MORN5: variants seen among roughly 807,000 people sequenced by gnomAD.
MORN5 encodes MORN repeat containing 5, also known as MORN repeat-containing protein 5.
Under a neutral mutation model 22.1 loss-of-function variants are expected in MORN5, and 21 were observed. The ratio of observed to expected loss-of-function variants is 0.95; its 90% CI spans 0.67 to 1.37. The LOEUF (loss-of-function observed/expected upper bound fraction) is 1.37, where lower values mean the gene tolerates loss of function less well. Among genes scored for constraint, MORN5 ranks in the 40% most tolerant of loss-of-function variants. The pLI is 0.00. For synonymous variants in MORN5, 73 were observed against 74.0 expected (o/e 0.99, Z 0.07); for missense variants, 211 against 215.1 (o/e 0.98, Z 0.12).
At chr9:122,179,772 C>A (rs750781385) in intron 4 of MORN5, among the ~76,000 whole-genome samples, 18 of 152,176 alleles carry the variant, frequency 1.2e-4, no homozygotes, top group Admixed American at 5.2e-4. Context: ...ACTCACCTCA[C>A]CCTGTGAGGG....
intron 4 of MORN5, among the ~76,000 whole-genome samples, chr9:122,180,875 C>T (rs10114626): frequency 0.47 from 71,530 of 152,018 alleles, 17,476 homozygotes; most frequent in African/African-American, 0.53. Context: ...CACGTGACTA[C>T]GTCTGATTCA....
At chr9:122,175,885 A>C (rs1970018) in intron 4 of MORN5, among the ~76,000 whole-genome samples, 76,459 of 151,416 alleles carry the variant, frequency 0.5, 20,014 homozygotes, top group Middle Eastern at 0.55. Flanking sequence ...GAGGCCGAGG[A>C]GGGCGGATCA....
chr9:122,162,161 C>T (rs541781266), intron 1 of MORN5, among the ~76,000 whole-genome samples: 45 of 152,176 alleles, frequency 3.0e-4, no homozygotes, highest in Non-Finnish European at 5.0e-4. Context: ...CCTCAGTTTC[C>T]TCATCTGTAA....
chr9:122,171,722 C>G (rs1466398044), intron 3 of MORN5, among the ~76,000 whole-genome samples: 1 of 152,106 alleles, frequency 6.6e-6, no homozygotes, highest in Non-Finnish European at 1.5e-5. Context: ...TTCCCCTGCC[C>G]CCTAAGTGCA....
At chr9:122,165,348 C>T (rs529282277) in intron 1 of MORN5, among the ~76,000 whole-genome samples, 17 of 131,320 alleles carry the variant, frequency 1.3e-4, no homozygotes, top group South Asian at 4.7e-4. Context: ...CATTTGAGCC[C>T]AGAAGTTCTA....
chr9:122,176,735 G>A (rs1829457016), intron 4 of MORN5, among the ~76,000 whole-genome samples: 1 of 152,082 alleles, frequency 6.6e-6, no homozygotes, highest in Non-Finnish European at 1.5e-5. Flanking sequence ...AAAATTAGCT[G>A]GGCGTGGTGG....
intron 4 of MORN5, among the ~76,000 whole-genome samples, chr9:122,192,073 G>A (rs532692025): frequency 6.6e-6 from 1 of 152,364 alleles, no homozygotes; most frequent in African/African-American, 2.4e-5. Flanking sequence ...GGTGAAACCT[G>A]CTACAAAGAC....
chr9:122,183,322 G>A (rs1395713696), intron 4 of MORN5, among the ~76,000 whole-genome samples: 1 of 152,146 alleles, frequency 6.6e-6, no homozygotes, highest in Non-Finnish European at 1.5e-5. Flanking sequence ...CTGGCAGTTT[G>A]TATGAGTATC....
intron 4 of MORN5, among the ~76,000 whole-genome samples, chr9:122,185,272 G>C (rs1829603354): frequency 6.6e-6 from 1 of 151,402 alleles, no homozygotes; most frequent in Non-Finnish European, 1.5e-5. Context: ...ACCCAGGCTG[G>C]AGTGCAGTGG....
chr9:122,164,353 G>A (rs1323699757), intron 1 of MORN5, among the ~76,000 whole-genome samples: 2 of 152,222 alleles, frequency 1.3e-5, no homozygotes, highest in Non-Finnish European at 2.9e-5. Context: ...GTAAGAGGCA[G>A]CAGAACCCTG....
At chr9:122,171,800 A>G (rs996544253) in intron 3 of MORN5, among the ~76,000 whole-genome samples, 6 of 151,844 alleles carry the variant, frequency 4.0e-5, no homozygotes, top group Non-Finnish European at 7.4e-5. Flanking sequence ...TTTATTGAGC[A>G]CTTCCATGTG....
chr9:122,160,166 CA>C, intron 1 of MORN5, 147 bp downstream of exon 1: 1 of 668,762 alleles, frequency 1.5e-6, no homozygotes, highest in Non-Finnish European at 2.6e-6. Flanking sequence ...TAATAAGCAG[CA>C]AAGCTAAGAT....
intron 4 of MORN5, among the ~76,000 whole-genome samples, chr9:122,196,999 T>C (rs1290364801): frequency 6.6e-6 from 1 of 152,228 alleles, no homozygotes; most frequent in Non-Finnish European, 1.5e-5. Flanking sequence ...ATTTGTTAAA[T>C]GAATGCATAT....
intron 1 of MORN5, among the ~76,000 whole-genome samples, chr9:122,160,909 C>G (rs1323253890): frequency 6.6e-6 from 1 of 152,142 alleles, no homozygotes; most frequent in African/African-American, 2.4e-5. Context: ...GAGTGGCTAC[C>G]GAGTACCAGG....
intron 4 of MORN5, among the ~76,000 whole-genome samples, chr9:122,195,020 C>CAAA (rs34845051): frequency 8.9e-6 from 1 of 111,980 alleles, no homozygotes. Flanking sequence ...AACTCCATCT[C>CAAA]AAAAAAAAAA....
chr9:122,192,861 T>C lies in MORN5; in HGVS notation c.440-7024T>C, dbSNP rs569755919. On this transcript the variant is annotated intron_variant, in intron 4 of 4. Coordinates refer to ENST00000373764, the MANE Select transcript of MORN5 (RefSeq NM_198469.4). ...TGTTTGCCCAGGGTGGGGAAGAAATTCCTCCCCCTTTGTCAAAACCCCACA... is the reference window on the plus strand; with the variant it reads ...TGTTTGCCCAGGGTGGGGAAGAAATCCCTCCCCCTTTGTCAAAACCCCACA... 3.9e-5 allele frequency among the ~76,000 whole-genome samples: 6 copies of C among 152,334 alleles called. No individual in the cohort carries two copies. In the East Asian group the frequency reaches 9.6e-4, roughly 24 times the overall value.
intron 4 of MORN5, among the ~76,000 whole-genome samples, chr9:122,182,994 T>C (rs536422123): frequency 6.6e-6 from 1 of 152,318 alleles, no homozygotes; most frequent in Admixed American, 6.5e-5. Context: ...ATCTCCTCTC[T>C]AGATAGGGGC....
At chr9:122,162,496 T>C (rs1305231695) in intron 1 of MORN5, among the ~76,000 whole-genome samples, 1 of 152,186 alleles carries the variant, frequency 6.6e-6, no homozygotes, top group Non-Finnish European at 1.5e-5. Context: ...AATGAAAGTG[T>C]ATATATACAC....
At chr9:122,171,131 C>G (rs1280030490) in intron 3 of MORN5, among the ~76,000 whole-genome samples, 3 of 152,144 alleles carry the variant, frequency 2.0e-5, no homozygotes, top group Admixed American at 2.0e-4. Flanking sequence ...CTGTGGTTGA[C>G]AGAGCATAGA....
Sources: gnomAD v4.1 joint callset for allele counts (sites outside exome capture counted in the v4.1 genomes callset) on GRCh38, gnomAD v4.1.1 for gene constraint, MANE v1.5 for transcripts, NCBI Gene and HGNC (gene_info 2026-07-23, HGNC 2026-07-21) for gene names.